CNTN4: variants seen among roughly 807,000 people sequenced by gnomAD.
CNTN4 encodes contactin-4.
In CNTN4, 77 loss-of-function variants were observed where a neutral mutation model predicts 122.5. That is an observed-to-expected ratio of 0.63 (90% confidence interval 0.52 to 0.76). The LOEUF is 0.76. Among genes scored for constraint, CNTN4 ranks in the 30% least tolerant of loss-of-function variants. The pLI is 0.00. For missense variants in CNTN4, 1,256 were observed against 1,259.1 expected (o/e 1.00, Z 0.04); for synonymous variants, 512 against 447.0 (o/e 1.15, Z -1.83).
chr3:2,377,465 C>T (rs1210134528), intron 3 of CNTN4, among the ~76,000 whole-genome samples: 1 of 152,200 alleles, frequency 6.6e-6, no homozygotes, highest in Non-Finnish European at 1.5e-5. Flanking sequence ...GTGCTGTGCC[C>T]TGTGAAAGCT....
rs565396640 is a variant in CNTN4 at position 2,170,148 on chromosome 3, C to A, written c.-145+69509C>A. On this transcript the variant is annotated intron_variant, in intron 2 of 24. Transcript: ENST00000418658. ...CATCCTGGCTAACACGGTGAAACCC[C>A]GTCTCTACTAAAAATACAAAAAATT... Among the ~76,000 whole-genome samples the A allele has an allele frequency of 2.1e-3, 315 of 151,160 alleles. 1 individual carries two copies. The highest frequency in any genetic ancestry group is 3.5e-3 in the Non-Finnish European group (236 of 67,806).
intron 2 of CNTN4, among the ~76,000 whole-genome samples, chr3:2,225,179 A>G (rs2149512939): frequency 6.6e-6 from 1 of 151,438 alleles, no homozygotes; most frequent in Non-Finnish European, 1.5e-5. Flanking sequence ...AGAAGTAATA[A>G]GGTTTGAATT....
At chr3:2,251,739 A>T (rs1206898631) in intron 2 of CNTN4, among the ~76,000 whole-genome samples, 1 of 151,834 alleles carries the variant, frequency 6.6e-6, no homozygotes, top group Non-Finnish European at 1.5e-5. Flanking sequence ...CTTTTTTTTA[A>T]TTCACAATAC....
intron 2 of CNTN4, among the ~76,000 whole-genome samples, chr3:2,120,405 A>ATATATATATATATATATATATATT (rs1428527983): frequency 4.9e-5 from 2 of 40,876 alleles, no homozygotes; most frequent in Non-Finnish European, 8.5e-5. Flanking sequence ...ATATATATAT[A>ATATATATATATATATATATATATT]TTTTTTTTTT....
In CNTN4 at chr3:2,352,984, T is replaced by G. The variant is rs367712594; in HGVS notation, c.-89+13751T>G. On this transcript the variant is annotated intron_variant, in intron 3 of 24. Coordinates refer to ENST00000418658, the MANE Select transcript of CNTN4 (RefSeq NM_175607.3). ...AGTGGAGACTTGGAGAACTTTTGTG[T>G]CTAGCTAAAGGATTGTGAATGCACC... Among the ~76,000 whole-genome samples, 5 of 152,146 alleles carry G rather than the reference T, an allele frequency of 3.3e-5. 1 individual carries two copies. In the East Asian group the frequency reaches 7.7e-4, roughly 23 times the overall value.
At chr3:3,024,258 T>C (rs932732499) in intron 14 of CNTN4, among the ~76,000 whole-genome samples, 51 of 152,068 alleles carry the variant, frequency 3.4e-4, no homozygotes, top group African/African-American at 1.2e-3. Context: ...CTGGGATCTG[T>C]TTCAGTCTTC....
intron 2 of CNTN4, among the ~76,000 whole-genome samples, chr3:2,324,231 T>G (rs2150232976): frequency 6.6e-6 from 1 of 152,082 alleles, no homozygotes; most frequent in South Asian, 2.1e-4. Flanking sequence ...TCAAAGAGGC[T>G]TAGGGTTTTG....
At chr3:2,326,232 A>G (rs974945389) in intron 2 of CNTN4, among the ~76,000 whole-genome samples, 3 of 152,176 alleles carry the variant, frequency 2.0e-5, no homozygotes, top group Non-Finnish European at 2.9e-5. Flanking sequence ...TGTCCCTACT[A>G]CCTTTGAACT....
Position 2,332,802 on chromosome 3 carries a change from A to G in CNTN4, c.-144-6376A>G, listed in dbSNP as rs908704433. Among the ~76,000 whole-genome samples the G allele has an allele frequency of 3.6e-4, 55 of 151,614 alleles. 1 individual carries two copies. Among genetic ancestry groups the G allele is most frequent in the Non-Finnish European group, 2.9e-5 (2 of 67,940 alleles). ...TAAATGAGGACTTGATGGGTGCAGC[A>G]CACCAGCATGGCACATGTATACATA... is the stretch of plus-strand genomic sequence containing the variant. On this transcript the variant is annotated intron_variant, in intron 2 of 24. Transcript: ENST00000418658.
intron 2 of CNTN4, among the ~76,000 whole-genome samples, chr3:2,248,646 A>G (rs1392382887): frequency 6.6e-6 from 1 of 152,020 alleles, no homozygotes; most frequent in Non-Finnish European, 1.5e-5. Flanking sequence ...CTTAACAAAT[A>G]TGTTTTTTGC....
At chr3:2,672,596 C>T (rs115651564) in intron 4 of CNTN4, among the ~76,000 whole-genome samples, 1,594 of 152,272 alleles carry the variant, frequency 0.01, 28 homozygotes, top group African/African-American at 0.036. Context: ...CTTCGGCTCA[C>T]ACTTGGTGCG....
At chr3:2,952,489 C>T (rs1349967639) in intron 13 of CNTN4, among the ~76,000 whole-genome samples, 1 of 152,156 alleles carries the variant, frequency 6.6e-6, no homozygotes. Context: ...CCTCTAACCA[C>T]TGTAGAGTTT....
chr3:2,996,634 CAA>C (rs1216611757), intron 14 of CNTN4, among the ~76,000 whole-genome samples: 1 of 152,120 alleles, frequency 6.6e-6, no homozygotes, highest in Non-Finnish European at 1.5e-5. Flanking sequence ...TCCAGCAATT[CAA>C]AGAGACTTAT....
In CNTN4 at chr3:2,803,440, A is replaced by G. The variant is rs2092393442; in HGVS notation, c.359-16046A>G. 3.3e-5 allele frequency among the ~76,000 whole-genome samples: 5 copies of G among 152,350 alleles called. No homozygotes were observed. The South Asian group carries it at 1.0e-3, about 32-fold the overall frequency. On this transcript the variant is annotated intron_variant, in intron 6 of 24. Coordinates refer to ENST00000418658, the MANE Select transcript of CNTN4 (RefSeq NM_175607.3). Reference sequence around the variant, plus strand: ...GCTGTAGACCAAAGAAACTCTTGAAAATATGTGTAAGACACAGGCTTTTTA... The same window carrying G: ...GCTGTAGACCAAAGAAACTCTTGAAGATATGTGTAAGACACAGGCTTTTTA...
At chr3:2,924,845 C>A (rs1236376732) in intron 12 of CNTN4, among the ~76,000 whole-genome samples, 1 of 152,088 alleles carries the variant, frequency 6.6e-6, no homozygotes, top group Non-Finnish European at 1.5e-5. Context: ...AGAGACAGTT[C>A]AGCATGTTCT....
Position 3,034,568 on chromosome 3 carries a change from GTGGCTCC to G in CNTN4, c.1784-62_1784-56del, listed in dbSNP as rs1450622533. 4 of 1,519,426 alleles carry G rather than the reference GTGGCTCC, an allele frequency of 2.6e-6. No individual in the cohort carries two copies. The African/African-American group carries it at 5.5e-5, about 21-fold the overall frequency. The allele number at this position is 1,519,426 out of a possible 1,614,324, so 94.1% of individuals were successfully genotyped here. A position where few individuals can be genotyped will look rare whatever the true frequency, so the allele number is the denominator to read the frequency against. The stretch of plus-strand genomic sequence containing the variant: ...ATGGGTCAATGCCCCATTCAAGTAT[GTGGCTCC>G]TTTACTTGGGTGTTTGAATACACTG... On this transcript the variant is annotated intron_variant, in intron 16 of 24. Coordinates refer to ENST00000418658, the MANE Select transcript of CNTN4 (RefSeq NM_175607.3).
intron 12 of CNTN4, among the ~76,000 whole-genome samples, chr3:2,916,044 T>G (rs765874424): frequency 6.6e-6 from 1 of 151,872 alleles, no homozygotes; most frequent in South Asian, 2.1e-4. Context: ...AAATGGGGAG[T>G]TGGGTAATGG....
rs1236346062 is a variant in CNTN4 at position 2,385,870 on chromosome 3, C to T, written c.-89+46637C>T. On this transcript the variant is annotated intron_variant, in intron 3 of 24. Coordinates refer to ENST00000418658, the MANE Select transcript of CNTN4 (RefSeq NM_175607.3). This position sits in a 1 kb window ranked among gnomAD's most constrained non-coding sequence, Gnocchi z 4.0. ...TCAAGACTTCAACACATCTTTTTAG[C>T]GACACAATTCAACCCATAACAATGT... Among the ~76,000 whole-genome samples the T allele has an allele frequency of 2.0e-5, 3 of 151,982 alleles. No individual in the cohort carries two copies. Among genetic ancestry groups the T allele is most frequent in the South Asian group, 2.1e-4 (1 of 4,818 alleles).
chr3:2,289,576 CA>C (rs944386594), intron 2 of CNTN4, among the ~76,000 whole-genome samples: 14 of 152,156 alleles, frequency 9.2e-5, no homozygotes, highest in African/African-American at 3.4e-4. Flanking sequence ...GAACACAGTT[CA>C]GGGGAGGAAG....
Sources: gnomAD v4.1 joint callset for allele counts (sites outside exome capture counted in the v4.1 genomes callset) on GRCh38, gnomAD v4.1.1 for gene constraint, Gnocchi (gnomAD v3.1) non-coding constraint, MANE v1.5 for transcripts, NCBI Gene and HGNC (gene_info 2026-07-23, HGNC 2026-07-21) for gene names.